PPM1B: variants seen among roughly 807,000 people sequenced by gnomAD.
PPM1B encodes the protein protein phosphatase, Mg2+/Mn2+ dependent 1B.
Under a neutral mutation model 43.0 loss-of-function variants are expected in PPM1B, and 22 were observed. That is an observed-to-expected ratio of 0.51 (90% confidence interval 0.37 to 0.73). The LOEUF (loss-of-function observed/expected upper bound fraction) is 0.73. PPM1B is among the 30% of genes least tolerant of loss of function. The pLI is 0.00. For synonymous variants in PPM1B, 217 were observed against 197.9 expected, an observed-to-expected ratio of 1.10 and a Z score of -0.81; for missense variants, 632 against 584.2, an observed-to-expected ratio of 1.08 and a Z score of -0.84.
intron 1 of PPM1B, among the ~76,000 whole-genome samples, chr2:44,176,370 A>G (rs992458720): frequency 1.3e-5 from 2 of 152,216 alleles, no homozygotes; most frequent in African/African-American, 4.8e-5. Flanking sequence ...TTAGTGGTTG[A>G]CCAATAGTGC....
At chr2:44,228,975 G>A (rs1178171853) in intron 5 of PPM1B, among the ~76,000 whole-genome samples, 1 of 152,070 alleles carries the variant, frequency 6.6e-6, no homozygotes, top group Non-Finnish European at 1.5e-5. Flanking sequence ...CTGAGGTTGG[G>A]AGTTCGAGAC....
chr2:44,199,335 A>AT (rs1181487621), intron 1 of PPM1B, among the ~76,000 whole-genome samples: 2 of 148,120 alleles, frequency 1.4e-5, no homozygotes, highest in African/African-American at 5.0e-5. Context: ...AAAAAAAAAA[A>AT]AAATTGAGCC....
chr2:44,225,058 A>G (rs977048894), intron 5 of PPM1B, among the ~76,000 whole-genome samples: 2 of 152,198 alleles, frequency 1.3e-5, no homozygotes, highest in Admixed American at 1.3e-4. Flanking sequence ...TAAGATTGTC[A>G]CCGTGACAAA....
intron 1 of PPM1B, among the ~76,000 whole-genome samples, chr2:44,182,132 T>C (rs1667903968): frequency 6.6e-6 from 1 of 152,192 alleles, no homozygotes. Flanking sequence ...GTGTTTGAGC[T>C]GTTTGGTCAG....
intron 3 of PPM1B, among the ~76,000 whole-genome samples, chr2:44,217,429 C>G (rs1484920775): frequency 6.6e-6 from 1 of 151,196 alleles, no homozygotes; most frequent in African/African-American, 2.4e-5. Context: ...TAGAATGTAA[C>G]TATTTCAGGT....
intron 5 of PPM1B, among the ~76,000 whole-genome samples, chr2:44,242,891 TC>T (rs1193975248): frequency 1.3e-5 from 2 of 152,214 alleles, no homozygotes; most frequent in Admixed American, 1.3e-4. Context: ...TGGATTATTT[TC>T]CTGAGTTCGC....
At chr2:44,220,631 C>T (rs1260166442) in intron 5 of PPM1B, among the ~76,000 whole-genome samples, 1 of 152,194 alleles carries the variant, frequency 6.6e-6, no homozygotes, top group African/African-American at 2.4e-5. Flanking sequence ...GACGTGACCC[C>T]ACCTGTGTGT....
downstream of PPM1B, among the ~76,000 whole-genome samples, chr2:44,245,214 T>C (rs1670833866): frequency 6.6e-6 from 1 of 152,234 alleles, no homozygotes; most frequent in South Asian, 2.1e-4. Flanking sequence ...ACAGTAGTTC[T>C]GAAGATTTGT....
rs1289429948 is a variant in PPM1B, at chr2:44,209,298, T to G, written c.935T>G (p.Leu312Trp). The stretch of plus-strand genomic sequence containing the variant: ...GAAGCGGTGAAAAAAGATTCAGAGT[T>G]GGATAAGCACTTGGAATCACGGGTT... ...SDEAVKKDSELDKHLESRVEE... is the reference protein window; with the variant it reads ...SDEAVKKDSEWDKHLESRVEE... Residue 312 changes from leucine to tryptophan, a missense_variant, in exon 3 of 6, where the codon TTG (leucine) becomes TGG (tryptophan). By Grantham distance (61) the Leu-to-Trp change is moderately conservative. This residue lies in a region of PPM1B where 392 missense variants were observed against 302.7 expected (regional missense o/e 1.29). Transcript: ENST00000282412. 6.2e-7 allele frequency: 1 copy of G among 1,613,944 alleles called. No homozygotes were observed. The highest frequency in any genetic ancestry group is 2.2e-5 in the East Asian group (1 of 44,888).
intron 1 of PPM1B, among the ~76,000 whole-genome samples, chr2:44,175,232 C>A (rs1287801391): frequency 6.6e-6 from 1 of 151,624 alleles, no homozygotes; most frequent in Non-Finnish European, 1.5e-5. Flanking sequence ...CCAGCCTGGG[C>A]AAAAGTGAGA....
intron 1 of PPM1B, among the ~76,000 whole-genome samples, chr2:44,170,108 T>G (rs149018056): frequency 6.6e-6 from 1 of 152,256 alleles, no homozygotes; most frequent in Admixed American, 6.5e-5. Context: ...TTTCTTCATT[T>G]TTTAAACTTG....
chr2:44,233,197 G>A (rs890365750), downstream of PPM1B: 1 of 926,278 alleles, frequency 1.1e-6, no homozygotes, highest in East Asian at 1.2e-4. Flanking sequence ...TACGAGTTTT[G>A]TGTAATTTGG....
intron 5 of PPM1B, among the ~76,000 whole-genome samples, chr2:44,228,650 T>G (rs1670332386): frequency 1.3e-5 from 2 of 152,228 alleles, no homozygotes; most frequent in South Asian, 4.1e-4. Context: ...TTTTGTATTT[T>G]ATTTTCCCAA....
chr2:44,201,334 T>TCCA lies in PPM1B; in HGVS notation c.135_136insCCA (p.Gly45_Ile46insPro). The TCCA allele has an allele frequency of 6.2e-7, 1 of 1,614,136 alleles. No individual in the cohort carries two copies. Among genetic ancestry groups the TCCA allele is most frequent in the Non-Finnish European group, 8.5e-7 (1 of 1,180,012 alleles). On this transcript the variant is annotated inframe_insertion, in exon 2 of 6. Coordinates refer to ENST00000282412, the MANE Select transcript of PPM1B (RefSeq NM_002706.6). This position sits in a 1 kb window ranked among gnomAD's most constrained non-coding sequence, Gnocchi z 5.4. The stretch of plus-strand genomic sequence containing the variant: ...AAGATGCACACACAGCTGTTGTAGG[T>TCCA]ATTCCTCACGGCTTGGAAGACTGGT...
Position 44,218,508 on chromosome 2 carries a change from A to G in PPM1B, c.1105A>G (p.Arg369Gly). 4 of 1,587,198 alleles carry G rather than the reference A, an allele frequency of 2.5e-6. No individual in the cohort carries two copies. The highest frequency in any genetic ancestry group is 3.4e-6 in the Non-Finnish European group (4 of 1,170,630). ...TAATGTTATTGAAGCTGTTTATAGT[A>G]GACTGAATCCACATAGAGAAAGTGA... is the stretch of plus-strand genomic sequence containing the variant. Reference protein sequence around the residue: ...KRNVIEAVYSRLNPHRESDGA... With the variant: ...KRNVIEAVYSGLNPHRESDGA... The change falls in exon 5 of 6, where the codon AGA (arginine) becomes GGA (glycine). Residue 369 changes from arginine (R) to glycine (G), a missense_variant. By Grantham distance (125) the Arg-to-Gly change is moderately radical. Transcript: ENST00000282412.
intron 1 of PPM1B, among the ~76,000 whole-genome samples, chr2:44,174,581 C>G (rs577780179): frequency 6.6e-6 from 1 of 152,126 alleles, no homozygotes; most frequent in East Asian, 1.9e-4. Context: ...TAGATTCAAA[C>G]GTATAATATA....
At chr2:44,229,433 A>T (rs572469064) in intron 5 of PPM1B, among the ~76,000 whole-genome samples, 2 of 152,294 alleles carry the variant, frequency 1.3e-5, no homozygotes, top group East Asian at 3.9e-4. Flanking sequence ...CAAGTCTTTA[A>T]TCAGTCAAGC....
downstream of PPM1B, chr2:44,232,877 T>G: frequency 1.0e-6 from 1 of 974,212 alleles, no homozygotes; most frequent in Non-Finnish European, 1.2e-6. Flanking sequence ...TTTTTTCCAA[T>G]TTTACCTGTA....
chr2:44,199,117 G>A (rs1240067538), intron 1 of PPM1B, among the ~76,000 whole-genome samples: 1 of 151,950 alleles, frequency 6.6e-6, no homozygotes, highest in African/African-American at 2.4e-5. Context: ...AATTAGCTGG[G>A]TATGGTGGCG....
Sources: allele counts gnomAD v4.1 joint callset (sites outside exome capture counted in the v4.1 genomes callset), GRCh38; gene constraint gnomAD v4.1.1; regional missense constraint gnomAD v4.1.1; non-coding constraint Gnocchi (gnomAD v3.1); transcripts MANE v1.5; gene names NCBI Gene and HGNC (gene_info 2026-07-23, HGNC 2026-07-21).